SETBP1: variants seen among roughly 807,000 people sequenced by gnomAD.
SETBP1 encodes SET binding protein 1, also known as SET-binding protein.
A neutral mutation model predicts 101.0 loss-of-function variants in SETBP1; 9 were observed. The ratio of observed to expected loss-of-function variants is 0.09; its 90% confidence interval spans 0.05 to 0.16. The LOEUF is 0.16. Among genes scored for constraint, SETBP1 ranks in the 10% least tolerant of loss-of-function variants. The pLI, the probability that SETBP1 is intolerant of heterozygous loss-of-function variation, is 1.00. For synonymous variants in SETBP1, 818 were observed against 788.5 expected (o/e 1.04, Z -0.63); for missense variants, 1,858 against 2,033.8 (o/e 0.91, Z 1.66).
At chr18:45,055,660 A>G (rs1445537072) in intron 5 of SETBP1, among the ~76,000 whole-genome samples, 2 of 152,210 alleles carry the variant, frequency 1.3e-5, no homozygotes, top group Non-Finnish European at 2.9e-5. Context: ...ACATACACGT[A>G]GATTCAAAAG....
At chr18:45,018,654 A>G (rs966844731) in intron 4 of SETBP1, among the ~76,000 whole-genome samples, 1 of 152,240 alleles carries the variant, frequency 6.6e-6, no homozygotes, top group Non-Finnish European at 1.5e-5. Flanking sequence ...TTGAAGCCTC[A>G]CAACAAATTC....
At chr18:44,912,397 T>A (rs1046945675) in intron 3 of SETBP1, among the ~76,000 whole-genome samples, 6 of 152,180 alleles carry the variant, frequency 3.9e-5, no homozygotes, top group African/African-American at 1.4e-4. Flanking sequence ...AAATAAATGC[T>A]ACTGATTGCC....
intron 4 of SETBP1, chr18:44,988,608 A>T (rs1446035016): frequency 6.6e-6 from 1 of 152,218 alleles, no homozygotes; most frequent in Non-Finnish European, 1.5e-5. Context: ...TTCTGCAGCT[A>T]TCTGCCTATT....
intron 3 of SETBP1, among the ~76,000 whole-genome samples, chr18:44,909,664 A>T (rs1168172043): frequency 6.6e-6 from 1 of 152,214 alleles, no homozygotes; most frequent in African/African-American, 2.4e-5. Context: ...GTAAGACCTT[A>T]TGCTATGCAT....
chr18:44,746,079 T>G (rs2070239041), intron 2 of SETBP1, among the ~76,000 whole-genome samples: 1 of 152,136 alleles, frequency 6.6e-6, no homozygotes, highest in South Asian at 2.1e-4. Flanking sequence ...TTGGGATGTC[T>G]TGAAGGTGTC....
intron 3 of SETBP1, among the ~76,000 whole-genome samples, chr18:44,898,969 T>C (rs9945057): frequency 0.39 from 59,961 of 152,024 alleles, 11,928 homozygotes; most frequent in Middle Eastern, 0.44. Context: ...CACTGAGGGA[T>C]TGCCCAAATG....
intron 2 of SETBP1, among the ~76,000 whole-genome samples, chr18:44,710,156 C>T (rs559963146): frequency 2.0e-5 from 3 of 152,174 alleles, no homozygotes; most frequent in East Asian, 1.9e-4. Context: ...AGAAACAATC[C>T]GTTTTTGCCT....
intron 2 of SETBP1, among the ~76,000 whole-genome samples, chr18:44,727,186 C>CTG (rs56695366): frequency 0.017 from 2,467 of 145,270 alleles, 49 homozygotes; most frequent in African/African-American, 0.049. Flanking sequence ...TATTTGATCA[C>CTG]TGTGTGTGTG....
At chr18:44,743,067 T>C (rs2070136794) in intron 2 of SETBP1, among the ~76,000 whole-genome samples, 1 of 149,802 alleles carries the variant, frequency 6.7e-6, no homozygotes, top group South Asian at 2.2e-4. Context: ...TTCTCCACCT[T>C]CCTCCCTTTC....
At chr18:44,791,425 C>T (rs2071368955) in intron 2 of SETBP1, among the ~76,000 whole-genome samples, 2 of 152,212 alleles carry the variant, frequency 1.3e-5, no homozygotes, top group Non-Finnish European at 2.9e-5. Context: ...CATACACACA[C>T]ATATATACAT....
In SETBP1 at chr18:45,009,651, A is replaced by C. The variant is rs548164044; in HGVS notation, c.4001-28834A>C. On this transcript the variant is annotated intron_variant, in intron 4 of 5. Coordinates refer to ENST00000649279, the MANE Select transcript of SETBP1 (RefSeq NM_015559.3). Reference sequence around the variant, plus strand: ...TCAAGTCTGCATTTGTATGTTTTGCAGGAAGATTCATATCTAGGATCTTAA... The same window carrying C: ...TCAAGTCTGCATTTGTATGTTTTGCCGGAAGATTCATATCTAGGATCTTAA... Among the ~76,000 whole-genome samples the C allele has an allele frequency of 5.3e-5, 8 of 152,202 alleles. No individual in the cohort carries two copies. In the East Asian group the frequency reaches 1.5e-3, roughly 29 times the overall value.
At chr18:44,939,430 GGTTT>G (rs1432062053) in intron 3 of SETBP1, among the ~76,000 whole-genome samples, 1 of 152,152 alleles carries the variant, frequency 6.6e-6, no homozygotes, top group Non-Finnish European at 1.5e-5. Context: ...GTGTGTCCAT[GGTTT>G]GTTCCTTTTA....
intron 2 of SETBP1, among the ~76,000 whole-genome samples, chr18:44,703,866 G>T (rs1176526577): frequency 6.6e-6 from 1 of 152,186 alleles, no homozygotes; most frequent in East Asian, 1.9e-4. Flanking sequence ...GTGAGGCTTT[G>T]CATTGGAGTT....
At chr18:44,913,078 C>G (rs575144275) in intron 3 of SETBP1, among the ~76,000 whole-genome samples, 1 of 152,260 alleles carries the variant, frequency 6.6e-6, no homozygotes, top group Non-Finnish European at 1.5e-5. Context: ...TTTGAGAAAC[C>G]CACTGCTCTA....
At chr18:44,857,298 C>T (rs2072998261) in intron 2 of SETBP1, among the ~76,000 whole-genome samples, 1 of 152,190 alleles carries the variant, frequency 6.6e-6, no homozygotes, top group African/African-American at 2.4e-5. Flanking sequence ...CTCAAGTGGA[C>T]TCTAGGTAAT....
intron 4 of SETBP1, 71 bp from the exon 5 acceptor site, chr18:45,038,414 T>A (rs184255322): frequency 5.2e-6 from 7 of 1,357,876 alleles, no homozygotes; most frequent in Middle Eastern, 1.8e-4. Context: ...TCAGATCATG[T>A]CCAGGTTACA....
chr18:44,896,344 T>G (rs1411282850), intron 3 of SETBP1, among the ~76,000 whole-genome samples: 1 of 152,186 alleles, frequency 6.6e-6, no homozygotes, highest in Non-Finnish European at 1.5e-5. Flanking sequence ...TCAGAAAACA[T>G]TTTATATTTT....
chr18:44,793,634 A>G (rs1307650868), intron 2 of SETBP1, among the ~76,000 whole-genome samples: 1 of 152,210 alleles, frequency 6.6e-6, no homozygotes, highest in Admixed American at 6.5e-5. Flanking sequence ...AATAGATTGG[A>G]TAACTTTTTA....
intron 4 of SETBP1, among the ~76,000 whole-genome samples, chr18:45,006,250 C>T (rs999688211): frequency 3.9e-5 from 6 of 152,144 alleles, no homozygotes; most frequent in Non-Finnish European, 7.3e-5. Flanking sequence ...CCATGCCCAG[C>T]CAAAAATCTT....
Sources: allele counts gnomAD v4.1 joint callset (sites outside exome capture counted in the v4.1 genomes callset), GRCh38; gene constraint gnomAD v4.1.1; transcripts MANE v1.5; gene names NCBI Gene and HGNC (gene_info 2026-07-23, HGNC 2026-07-21).